DMD: variants seen among roughly 807,000 people sequenced by gnomAD.
The protein encoded by DMD is dystrophin, also known as mutant dystrophin.
Under a neutral mutation model 330.1 loss-of-function variants are expected in DMD, and 63 were observed. The ratio of observed to expected loss-of-function variants is 0.19; its 90% CI spans 0.16 to 0.24. DMD has a LOEUF of 0.24. Among genes scored for constraint, DMD ranks in the 10% least tolerant of loss-of-function variants. The probability of loss-of-function intolerance (pLI) is 1.00; values close to 1 mark genes in which losing one functional copy is unlikely to be tolerated. For synonymous variants in DMD, 1,223 were observed against 959.8 expected, an observed-to-expected ratio of 1.27 and a Z score of -5.07; for missense variants, 3,344 against 2,684.1, an observed-to-expected ratio of 1.25 and a Z score of -5.43.
At chrX:31,880,294 G>C (rs1010286034) in intron 47 of DMD, among the ~76,000 whole-genome samples, 1 of 111,406 alleles carries the variant, frequency 9.0e-6, no homozygotes, top group Non-Finnish European at 1.9e-5. Context: ...TATAATATGC[G>C]TATTCACTTA....
chrX:33,248,399 T>C (rs1418737344), intron 1 of DMD, among the ~76,000 whole-genome samples: 1 of 112,542 alleles, frequency 8.9e-6, no homozygotes, highest in Admixed American at 9.4e-5. Flanking sequence ...CTAAAAATCC[T>C]AATTTTCCAT....
intron 51 of DMD, among the ~76,000 whole-genome samples, chrX:31,756,058 G>A (rs1461169516): frequency 1.8e-5 from 2 of 111,362 alleles, no homozygotes; most frequent in African/African-American, 6.5e-5. Flanking sequence ...GAGTAAGCCC[G>A]ATCATTATTG....
intron 9 of DMD, among the ~76,000 whole-genome samples, chrX:32,682,433 A>T (rs923920551): frequency 9.0e-6 from 1 of 111,037 alleles, no homozygotes; most frequent in Non-Finnish European, 1.9e-5. Context: ...CTTAAACACT[A>T]CTCTGACAGA....
intron 60 of DMD, among the ~76,000 whole-genome samples, chrX:31,367,433 C>T (rs2059322877): frequency 9.0e-6 from 1 of 110,590 alleles, no homozygotes; most frequent in South Asian, 4.0e-4. Context: ...TCAACATTTC[C>T]GGAGAACCTA....
At chrX:32,637,405 C>T (rs1021087114) in intron 11 of DMD, among the ~76,000 whole-genome samples, 3 of 111,884 alleles carry the variant, frequency 2.7e-5, no homozygotes, top group African/African-American at 9.8e-5. Flanking sequence ...AAAATGTCAA[C>T]TTCTATTAAA....
intron 1 of DMD, among the ~76,000 whole-genome samples, chrX:33,072,414 G>A (rs1320722752): frequency 3.6e-5 from 4 of 111,968 alleles, no homozygotes; most frequent in Non-Finnish European, 7.5e-5. Flanking sequence ...GTGAAACTCT[G>A]TTTCAAAAAC....
intron 4 of DMD, among the ~76,000 whole-genome samples, chrX:32,836,126 G>A (rs1038439199): frequency 9.1e-6 from 1 of 109,619 alleles, no homozygotes; most frequent in Non-Finnish European, 1.9e-5. Context: ...CCGCCTCATG[G>A]GTTCAAGTGA....
chrX:32,440,271 C>T (rs946541656), intron 28 of DMD, among the ~76,000 whole-genome samples: 1 of 111,472 alleles, frequency 9.0e-6, no homozygotes, highest in African/African-American at 3.2e-5. Flanking sequence ...TCAGATAGAG[C>T]CAAAATTAAA....
intron 44 of DMD, among the ~76,000 whole-genome samples, chrX:32,024,067 G>A (rs1342193935): frequency 9.0e-6 from 1 of 111,517 alleles, no homozygotes; most frequent in Admixed American, 9.5e-5. Flanking sequence ...TGTACCCGCT[G>A]AATCTAAAAT....
At chrX:32,433,794 C>A (rs1215681179) in intron 29 of DMD, among the ~76,000 whole-genome samples, 1 of 112,095 alleles carries the variant, frequency 8.9e-6, no homozygotes, top group African/African-American at 3.2e-5. Context: ...TAACCAAATA[C>A]TATTACCAAT....
At chrX:32,663,484 C>G (rs931601362) in intron 9 of DMD, among the ~76,000 whole-genome samples, 3 of 111,452 alleles carry the variant, frequency 2.7e-5, no homozygotes. Context: ...AACAAAAGAG[C>G]CTTTATACAT....
intron 2 of DMD, among the ~76,000 whole-genome samples, chrX:32,995,046 A>G (rs982284736): frequency 1.8e-5 from 2 of 111,744 alleles, no homozygotes; most frequent in Non-Finnish European, 3.8e-5. Flanking sequence ...TCAAGGCTGC[A>G]ATGAGCCGCA....
At chrX:31,182,618 C>CG in intron 68 of DMD, 120 bp downstream of exon 68, 1 of 685,569 alleles carries the variant, frequency 1.5e-6, no homozygotes, top group South Asian at 2.3e-5. Context: ...CAATCACCTT[C>CG]TCTCCCACTT....
chrX:32,283,347 T>C (rs1057134948), intron 43 of DMD, among the ~76,000 whole-genome samples: 1 of 111,816 alleles, frequency 8.9e-6, no homozygotes, highest in Non-Finnish European at 1.9e-5. Flanking sequence ...CTACCATACA[T>C]GTACCATTTA....
chrX:31,509,284 C>G (rs16989686), intron 55 of DMD, among the ~76,000 whole-genome samples: 2,126 of 111,476 alleles, frequency 0.019, 48 homozygotes, highest in African/African-American at 0.065. Flanking sequence ...GAATAACATG[C>G]CTGCCTAATT....
At chrX:31,888,963 T>C in intron 47 of DMD, among the ~76,000 whole-genome samples, 1 of 112,372 alleles carries the variant, frequency 8.9e-6, no homozygotes, top group East Asian at 2.8e-4. Flanking sequence ...ATTTCCTACA[T>C]TGTTTCCAGT....
intron 42 of DMD, among the ~76,000 whole-genome samples, chrX:32,309,261 A>G (rs1291157549): frequency 9.0e-6 from 1 of 111,633 alleles, no homozygotes; most frequent in Non-Finnish European, 1.9e-5. Context: ...TGAGTATAAA[A>G]TACTTTAGCT....
chrX:32,784,254 G>A (rs776511490), intron 7 of DMD, among the ~76,000 whole-genome samples: 1 of 111,855 alleles, frequency 8.9e-6, no homozygotes, highest in African/African-American at 3.2e-5. Flanking sequence ...AACCCGAGGT[G>A]TATTATAGGC....
chrX:32,404,518 C>T (rs1010189287), intron 30 of DMD, among the ~76,000 whole-genome samples: 1 of 111,284 alleles, frequency 9.0e-6, no homozygotes, highest in African/African-American at 3.3e-5. Flanking sequence ...GCTACTGGAG[C>T]CACTGCTAAG....
Sources: gnomAD v4.1 joint callset for allele counts (sites outside exome capture counted in the v4.1 genomes callset) on GRCh38, gnomAD v4.1.1 for gene constraint, MANE v1.5 for transcripts, NCBI Gene and HGNC (gene_info 2026-07-23, HGNC 2026-07-21) for gene names.